Variants in CHODL observed in about 807,000 individuals in gnomAD.
The protein encoded by CHODL is chondrolectin.
In CHODL, 29 loss-of-function variants were observed where a neutral mutation model predicts 34.5. The observed-to-expected ratio is 0.84, with a 90% CI of 0.63 to 1.15. CHODL has a LOEUF of 1.15. Ranked by LOEUF, CHODL falls within the 50% of genes most tolerant of loss-of-function variation. The pLI is 0.00. For missense variants in CHODL, 332 were observed against 332.5 expected (o/e 1.00, Z 0.01); for synonymous variants, 125 against 116.1 (o/e 1.08, Z -0.49).
At chr21:17,949,456 A>G (rs1381642874) in intron 1 of CHODL, among the ~76,000 whole-genome samples, 2 of 152,216 alleles carry the variant, frequency 1.3e-5, no homozygotes, top group Non-Finnish European at 2.9e-5. Flanking sequence ...AGAAATTGTT[A>G]AAGAAATAAA....
chr21:18,201,307 T>A (rs2073649533), intron 2 of CHODL, among the ~76,000 whole-genome samples: 1 of 152,188 alleles, frequency 6.6e-6, no homozygotes, highest in Admixed American at 6.5e-5. Context: ...AATGGGGAAT[T>A]GTTAAAATGT....
intron 1 of CHODL, among the ~76,000 whole-genome samples, chr21:17,971,471 T>C (rs750140394): frequency 6.6e-6 from 1 of 152,230 alleles, no homozygotes; most frequent in South Asian, 2.1e-4. Context: ...GTATTGCATT[T>C]CTCTAATGAC....
intron 2 of CHODL, among the ~76,000 whole-genome samples, chr21:18,078,924 C>G (rs1437836153): frequency 6.6e-6 from 1 of 152,048 alleles, no homozygotes; most frequent in Non-Finnish European, 1.5e-5. Context: ...AGATTTGCAC[C>G]CAGTTTGAAT....
rs9983345 is a variant in CHODL at position 18,133,580 on chromosome 21, C to T, written c.-45+105609C>T. Among the ~76,000 whole-genome samples, 1,218 of 152,150 alleles carry T rather than the reference C, an allele frequency of 8.0e-3. 16 individuals carry two copies. Among genetic ancestry groups the T allele is most frequent in the African/African-American group, 0.026 (1,099 of 41,506 alleles). ...AAGTTTGTACAGCAAACAGAGTTCC[C>T]TTGTGGCAGAAAGCAAGTAAATTTA... On this transcript the variant is annotated intron_variant, in intron 2 of 6. Transcript: ENST00000400127.
At chr21:18,018,693 A>T (rs1413321688) in intron 1 of CHODL, among the ~76,000 whole-genome samples, 4 of 152,212 alleles carry the variant, frequency 2.6e-5, no homozygotes, top group Non-Finnish European at 4.4e-5. Flanking sequence ...CTTTATGGTA[A>T]CAGGAGAATG....
At chr21:18,011,284 C>A (rs191087990) in intron 1 of CHODL, among the ~76,000 whole-genome samples, 195 of 119,456 alleles carry the variant, frequency 1.6e-3, no homozygotes, top group African/African-American at 9.5e-3. Context: ...CTTTCAGTTG[C>A]CCCCATTTTT....
chr21:17,977,136 A>G (rs2063669833), intron 1 of CHODL, among the ~76,000 whole-genome samples: 1 of 152,138 alleles, frequency 6.6e-6, no homozygotes, highest in Admixed American at 6.6e-5. Flanking sequence ...ATTCATAACA[A>G]TCTTGTCAGA....
At chr21:18,243,644 C>A (rs1227109086), upstream of CHODL, among the ~76,000 whole-genome samples, 1 of 151,946 alleles carries the variant, frequency 6.6e-6, no homozygotes, top group Non-Finnish European at 1.5e-5. Context: ...CTACCTCAGC[C>A]TCTGGAATAG....
At chr21:18,078,884 A>G (rs566754861) in intron 2 of CHODL, among the ~76,000 whole-genome samples, 4 of 152,330 alleles carry the variant, frequency 2.6e-5, no homozygotes, top group African/African-American at 9.6e-5. Flanking sequence ...AACTTGTCTA[A>G]GGTCCTACAG....
At chr21:17,992,547 AATTT>A (rs971296663) in intron 1 of CHODL, among the ~76,000 whole-genome samples, 4 of 151,938 alleles carry the variant, frequency 2.6e-5, no homozygotes, top group African/African-American at 9.7e-5. Flanking sequence ...TACCCTAGGT[AATTT>A]ATTTATTTAT....
intron 1 of CHODL, among the ~76,000 whole-genome samples, chr21:18,008,643 C>T (rs900284238): frequency 1.2e-4 from 19 of 152,088 alleles, no homozygotes; most frequent in Non-Finnish European, 2.4e-4. Flanking sequence ...GCATAATATC[C>T]TCTAGGTTTA....
rs3077936 is a variant in CHODL at position 18,211,141 on chromosome 21, T to TACACACACACACACACAC, written c.-44-45357_-44-45340dup. On this transcript the variant is annotated intron_variant, in intron 2 of 6. Coordinates refer to the CHODL transcript ENST00000400127. ...TATTCCCTTGCATCCTACACATGGA[T>TACACACACACACACACAC]ACACACACACACACACACACACACA... Among the ~76,000 whole-genome samples, 637 of 148,774 alleles carry TACACACACACACACACAC rather than the reference T, an allele frequency of 4.3e-3. 2 individuals are homozygous for TACACACACACACACACAC. The highest frequency in any genetic ancestry group is 0.014 in the African/African-American group (543 of 40,206).
At chr21:18,017,929 A>G (rs952349970) in intron 1 of CHODL, among the ~76,000 whole-genome samples, 1 of 152,200 alleles carries the variant, frequency 6.6e-6, no homozygotes, top group Non-Finnish European at 1.5e-5. Context: ...TACCCCTTGC[A>G]CCACTGTGCC....
chr21:17,937,832 A>G (rs1411251970), intron 1 of CHODL, among the ~76,000 whole-genome samples: 2 of 152,156 alleles, frequency 1.3e-5, no homozygotes, highest in East Asian at 1.9e-4. Context: ...TTCATCTGTC[A>G]GTTACTTAAT....
intron 2 of CHODL, among the ~76,000 whole-genome samples, chr21:18,056,282 G>A (rs994496583): frequency 1.3e-5 from 2 of 151,746 alleles, no homozygotes; most frequent in African/African-American, 4.8e-5. Flanking sequence ...TTCAAATCTT[G>A]TTTATGTAGG....
intron 2 of CHODL, among the ~76,000 whole-genome samples, chr21:18,200,622 A>C (rs1472656802): frequency 6.6e-6 from 1 of 152,224 alleles, no homozygotes; most frequent in Admixed American, 6.5e-5. Context: ...TAGAATGGAA[A>C]AAAAGATTGA....
At chr21:18,182,791 A>T (rs956585094) in intron 2 of CHODL, among the ~76,000 whole-genome samples, 27 of 152,308 alleles carry the variant, frequency 1.8e-4, no homozygotes, top group Non-Finnish European at 3.5e-4. Context: ...TTTTAAAAAA[A>T]TACAAGGTGC....
At chr21:18,243,191 C>G (rs2074098172), upstream of CHODL, among the ~76,000 whole-genome samples, 1 of 152,232 alleles carries the variant, frequency 6.6e-6, no homozygotes, top group Non-Finnish European at 1.5e-5. Flanking sequence ...CCTTCCATTA[C>G]AGCATTTATA....
chr21:18,013,635 C>CTTTTTTTTTGTTTTTTTTTTTT (rs2064041149), intron 1 of CHODL, among the ~76,000 whole-genome samples: 2 of 71,896 alleles, frequency 2.8e-5, no homozygotes, highest in African/African-American at 6.3e-5. Context: ...GCTGCTGCTG[C>CTTTTTTTTTGTTTTTTTTTTTT]TTTTTTTTTT....
Sources: gnomAD v4.1 joint callset for allele counts (sites outside exome capture counted in the v4.1 genomes callset) on GRCh38, gnomAD v4.1.1 for gene constraint, MANE v1.5 for transcripts, NCBI Gene and HGNC (gene_info 2026-07-23, HGNC 2026-07-21) for gene names.